The following UNC13C variants were observed in gnomAD, a reference collection of about 807,000 sequenced individuals.
UNC13C encodes the protein unc-13 homolog C.
A neutral mutation model predicts 245.4 loss-of-function variants in UNC13C; 174 were observed. That is an observed-to-expected ratio of 0.71 (90% confidence interval 0.63 to 0.80). The LOEUF (loss-of-function observed/expected upper bound fraction) is 0.80. Among genes scored for constraint, UNC13C ranks in the 30% least tolerant of loss-of-function variants. The pLI, the probability that UNC13C is intolerant of heterozygous loss-of-function variation, is 0.00. For missense variants in UNC13C, 2,829 were observed against 2,602.9 expected, an observed-to-expected ratio of 1.09 and a Z score of -1.89; for synonymous variants, 992 against 895.1, an observed-to-expected ratio of 1.11 and a Z score of -1.93.
At chr15:53,876,594 G>C in the UNC13C span, among the ~76,000 whole-genome samples, 2 of 152,148 alleles carry the variant, frequency 1.3e-5, no homozygotes, top group African/African-American at 4.8e-5. Context: ...CAGAAGAGCA[G>C]GAACTTCTGT....
At chr15:54,448,678 G>C (rs1012081802) in intron 19 of UNC13C, among the ~76,000 whole-genome samples, 12 of 152,132 alleles carry the variant, frequency 7.9e-5, no homozygotes, top group African/African-American at 2.9e-4. Flanking sequence ...CTCTGCACGT[G>C]TGATGGGTTT....
the UNC13C span, among the ~76,000 whole-genome samples, chr15:53,891,097 A>G: frequency 1.3e-5 from 2 of 151,896 alleles, no homozygotes. Flanking sequence ...GAACATCTTT[A>G]TTTCTGCCTT....
intron 18 of UNC13C, among the ~76,000 whole-genome samples, chr15:54,413,683 C>G (rs747163455): frequency 6.6e-6 from 1 of 152,154 alleles, no homozygotes; most frequent in Non-Finnish European, 1.5e-5. Context: ...GAAACTGATG[C>G]AACACACTCT....
intron 2 of UNC13C, among the ~76,000 whole-genome samples, chr15:54,070,197 T>A (rs1258637674): frequency 1.3e-5 from 2 of 152,238 alleles, no homozygotes; most frequent in Non-Finnish European, 2.9e-5. Flanking sequence ...TTATAGCCTG[T>A]TTTTACATCA....
At chr15:54,231,271 T>C (rs188531236) in intron 4 of UNC13C, among the ~76,000 whole-genome samples, 154 of 152,244 alleles carry the variant, frequency 1.0e-3, no homozygotes, top group African/African-American at 3.6e-3. Context: ...GAACATTAAG[T>C]CTGAGGTAAA....
chr15:54,461,094 T>TA (rs1891820948), intron 19 of UNC13C, among the ~76,000 whole-genome samples: 1 of 152,100 alleles, frequency 6.6e-6, no homozygotes, highest in Admixed American at 6.5e-5. Flanking sequence ...GACTTATTTA[T>TA]AAAATATAAT....
At chr15:54,295,113 A>G (rs2037394844) in intron 11 of UNC13C, among the ~76,000 whole-genome samples, 2 of 152,164 alleles carry the variant, frequency 1.3e-5, no homozygotes, top group African/African-American at 4.8e-5. Context: ...TACCTCTGCT[A>G]TAATGAGCCA....
At chr15:54,285,395 T>C (rs2037117934) in intron 10 of UNC13C, among the ~76,000 whole-genome samples, 1 of 152,152 alleles carries the variant, frequency 6.6e-6, no homozygotes, top group Non-Finnish European at 1.5e-5. Context: ...GATAATAGTG[T>C]TAGGGATCTT....
At position 54,338,378 on chromosome 15, in the gene UNC13C, C is replaced by A; in HGVS notation, c.4602C>A (p.Ser1534Arg). The A allele has an allele frequency of 6.2e-7, 1 of 1,611,344 alleles. No individual in the cohort carries two copies. Among genetic ancestry groups the A allele is most frequent in the Non-Finnish European group, 8.5e-7 (1 of 1,178,236 alleles). Residue 1534 changes from serine (S) to arginine (R), a missense_variant, in exon 17 of 33, where the codon AGC becomes AGA. Coordinates refer to ENST00000260323, the MANE Select transcript of UNC13C (RefSeq NM_001080534.3). ...FFRMKVLELQSPPKASMVVKD... is the reference protein window; with the variant it reads ...FFRMKVLELQRPPKASMVVKD... Reference sequence around the variant, plus strand: ...TTTGTCAGGTTCTGGAGCTGCAAAGCCCCCCAAAAGCGAGCATGGTGGTGA... The same window carrying A: ...TTTGTCAGGTTCTGGAGCTGCAAAGACCCCCAAAAGCGAGCATGGTGGTGA...
At chr15:54,266,590 G>C (rs2036553858) in intron 10 of UNC13C, among the ~76,000 whole-genome samples, 1 of 152,024 alleles carries the variant, frequency 6.6e-6, no homozygotes. Context: ...ACAAGATGCA[G>C]CTAGAGCTTC....
At chr15:54,117,190 G>C (rs2030314735) in intron 2 of UNC13C, among the ~76,000 whole-genome samples, 1 of 152,038 alleles carries the variant, frequency 6.6e-6, no homozygotes, top group African/African-American at 2.4e-5. Flanking sequence ...TGGTCAGATG[G>C]ATAGTTTGCA....
intron 14 of UNC13C, among the ~76,000 whole-genome samples, chr15:54,325,530 A>C (rs144505152): frequency 6.6e-6 from 1 of 152,054 alleles, no homozygotes; most frequent in East Asian, 1.9e-4. Context: ...CATTTACATT[A>C]GGTGTTTCTC....
the UNC13C span, among the ~76,000 whole-genome samples, chr15:53,941,175 G>A: frequency 6.6e-6 from 1 of 152,196 alleles, no homozygotes; most frequent in African/African-American, 2.4e-5. Flanking sequence ...TCTGATCTTT[G>A]ACAAACCTGG....
the UNC13C span, chr15:53,914,785 G>GT: frequency 2.0e-5 from 3 of 152,178 alleles, no homozygotes; most frequent in Non-Finnish European, 4.4e-5. Flanking sequence ...CTTTGGCATA[G>GT]TCGTGAACCT....
chr15:54,389,335 C>T (rs2039904929), intron 17 of UNC13C, among the ~76,000 whole-genome samples: 1 of 152,196 alleles, frequency 6.6e-6, no homozygotes, highest in African/African-American at 2.4e-5. Context: ...TGAAAGGTCA[C>T]TCTCAATACA....
chr15:54,113,504 G>A (rs991919917), intron 2 of UNC13C, among the ~76,000 whole-genome samples: 4 of 152,108 alleles, frequency 2.6e-5, no homozygotes, highest in Non-Finnish European at 4.4e-5. Flanking sequence ...AGTCTTTCCG[G>A]GGGTAATCAC....
At chr15:53,949,571 T>C in the UNC13C span, among the ~76,000 whole-genome samples, 2 of 152,338 alleles carry the variant, frequency 1.3e-5, no homozygotes, top group South Asian at 2.1e-4. Context: ...TTAGTGTTAA[T>C]TGCAGTGTGT....
chr15:54,099,801 A>T (rs1203184062), intron 2 of UNC13C, among the ~76,000 whole-genome samples: 2 of 152,080 alleles, frequency 1.3e-5, no homozygotes, highest in Admixed American at 6.6e-5. Flanking sequence ...TCCCACATTT[A>T]AAAAAATACT....
chr15:54,322,945 G>C (rs1300679066), intron 14 of UNC13C, among the ~76,000 whole-genome samples: 1 of 151,844 alleles, frequency 6.6e-6, no homozygotes, highest in Non-Finnish European at 1.5e-5. Context: ...CAGGTTTCTG[G>C]TCAGGGCAAA....
Sources: allele counts gnomAD v4.1 joint callset (sites outside exome capture counted in the v4.1 genomes callset), GRCh38; gene constraint gnomAD v4.1.1; transcripts MANE v1.5; gene names NCBI Gene and HGNC (gene_info 2026-07-23, HGNC 2026-07-21).